FOCAD: variants seen among roughly 807,000 people sequenced by gnomAD.
FOCAD encodes focadhesin.
Under a neutral mutation model 225.6 loss-of-function variants are expected in FOCAD, and 198 were observed. The observed-to-expected ratio is 0.88, with a 90% CI of 0.78 to 0.99. The LOEUF is 0.99. Ranked by LOEUF, FOCAD falls within the 50% of genes least tolerant of loss-of-function variation. FOCAD has a pLI of 0.00. For synonymous variants in FOCAD, 897 were observed against 755.0 expected (o/e 1.19, Z -3.08); for missense variants, 2,713 against 2,123.6 (o/e 1.28, Z -5.46).
chr9:20,817,740 A>G (rs1325269421), intron 11 of FOCAD, among the ~76,000 whole-genome samples: 1 of 152,064 alleles, frequency 6.6e-6, no homozygotes, highest in Non-Finnish European at 1.5e-5. Context: ...TTTATGGCTG[A>G]ATAATATCCC....
intron 15 of FOCAD, among the ~76,000 whole-genome samples, chr9:20,849,349 A>G (rs1398036032): frequency 2.7e-5 from 4 of 148,602 alleles, no homozygotes; most frequent in East Asian, 2.0e-4. Flanking sequence ...CTTTCCCCCA[A>G]CAGTTACTGT....
At chr9:20,849,451 A>G (rs1026706100) in intron 15 of FOCAD, among the ~76,000 whole-genome samples, 1 of 151,686 alleles carries the variant, frequency 6.6e-6, no homozygotes, top group African/African-American at 2.4e-5. Context: ...TAATATAGTC[A>G]GTCAACCTTA....
chr9:20,990,453 G>A, intron 42 of FOCAD, 79 bp downstream of exon 42: 1 of 1,514,648 alleles, frequency 6.6e-7, no homozygotes, highest in Non-Finnish European at 9.0e-7. Flanking sequence ...ATTGAGGTGG[G>A]AGTTAAGTGC....
intron 19 of FOCAD, among the ~76,000 whole-genome samples, chr9:20,879,455 T>A (rs918567353): frequency 5.3e-5 from 8 of 152,192 alleles, no homozygotes; most frequent in African/African-American, 1.9e-4. Flanking sequence ...TTGGGATTAT[T>A]ATTAGCACTA....
chr9:20,826,478 T>G (rs977280217), intron 15 of FOCAD, among the ~76,000 whole-genome samples: 1 of 152,062 alleles, frequency 6.6e-6, no homozygotes, highest in African/African-American at 2.4e-5. Context: ...TCCCTACTTT[T>G]GAGGTTTTGG....
chr9:20,866,127 G>A, intron 17 of FOCAD, 151 bp downstream of exon 17: 1 of 676,556 alleles, frequency 1.5e-6, no homozygotes, highest in Non-Finnish European at 2.4e-6. Context: ...CATAAGTTTT[G>A]GTTTTAAAAA....
intron 15 of FOCAD, among the ~76,000 whole-genome samples, chr9:20,845,278 A>G (rs1157658805): frequency 1.3e-5 from 2 of 151,998 alleles, no homozygotes; most frequent in Admixed American, 6.6e-5. Flanking sequence ...CCCATATGTC[A>G]CTATCCAGAT....
At chr9:20,766,286 C>T (rs1276824837) in intron 7 of FOCAD, among the ~76,000 whole-genome samples, 1 of 152,122 alleles carries the variant, frequency 6.6e-6, no homozygotes. Flanking sequence ...TTTGGAAGTA[C>T]TGGAACTAGT....
chr9:20,814,494 T>C lies in FOCAD; in HGVS notation c.1456-5302T>C, dbSNP rs145876794. ...CCTCAGCCTCCCAAGTAGCTGGGAT[T>C]ACATATATGTGCCACCAATGCCCAG... On this transcript the variant is annotated intron_variant, in intron 11 of 43. Transcript: ENST00000338382. 2.6e-3 allele frequency among the ~76,000 whole-genome samples: 402 copies of C among 152,212 alleles called. 3 individuals carry two copies. The highest frequency in any genetic ancestry group is 7.1e-3 in the African/African-American group (295 of 41,538).
chr9:20,841,302 TTTTAGTTCTTCTATAAATG>T (rs1312003261), intron 15 of FOCAD, among the ~76,000 whole-genome samples: 3 of 151,940 alleles, frequency 2.0e-5, no homozygotes, highest in Non-Finnish European at 2.9e-5. Flanking sequence ...GTAGGATTGA[TTTTAGTTCTTCTATAAATG>T]TTTAGTTCTT....
chr9:20,815,742 C>G (rs868124125), intron 11 of FOCAD, among the ~76,000 whole-genome samples: 1 of 152,062 alleles, frequency 6.6e-6, no homozygotes, highest in Non-Finnish European at 1.5e-5. Flanking sequence ...AGGACACTTA[C>G]CAGCTTCTTT....
chr9:20,819,453 A>G (rs62560484), intron 11 of FOCAD, among the ~76,000 whole-genome samples: 38,617 of 151,986 alleles, frequency 0.25, 5,167 homozygotes, highest in Middle Eastern at 0.33. Flanking sequence ...GACTGAAGCA[A>G]TCCTCCTGCC....
chr9:20,794,220 G>C (rs1820830262), intron 11 of FOCAD, among the ~76,000 whole-genome samples: 1 of 152,162 alleles, frequency 6.6e-6, no homozygotes, highest in Non-Finnish European at 1.5e-5. Flanking sequence ...TAGAGAGCAG[G>C]AGGTAATGTC....
chr9:20,865,507 A>G (rs951283857), intron 16 of FOCAD, among the ~76,000 whole-genome samples: 3 of 152,054 alleles, frequency 2.0e-5, no homozygotes, highest in Non-Finnish European at 4.4e-5. Flanking sequence ...AAAAAAACGC[A>G]GTCACTGCCT....
At chr9:20,904,485 C>T (rs923752475) in intron 21 of FOCAD, among the ~76,000 whole-genome samples, 1 of 151,994 alleles carries the variant, frequency 6.6e-6, no homozygotes, top group Non-Finnish European at 1.5e-5. Flanking sequence ...AACCTTCTCG[C>T]ATCCCTGCCC....
At chr9:20,897,309 A>G (rs372507078) in intron 21 of FOCAD, among the ~76,000 whole-genome samples, 4 of 151,782 alleles carry the variant, frequency 2.6e-5, no homozygotes, top group East Asian at 3.9e-4. Flanking sequence ...TCTTGTAGAC[A>G]ACATGTAGTT....
At chr9:20,855,878 A>T (rs1192612465) in intron 15 of FOCAD, among the ~76,000 whole-genome samples, 3 of 150,670 alleles carry the variant, frequency 2.0e-5, no homozygotes, top group African/African-American at 7.3e-5. Flanking sequence ...CACTTACCAT[A>T]ATGTCCTCCA....
chr9:20,985,399 A>G (rs1841067230), intron 39 of FOCAD, among the ~76,000 whole-genome samples: 1 of 152,244 alleles, frequency 6.6e-6, no homozygotes, highest in Non-Finnish European at 1.5e-5. Context: ...AGCAGAAACA[A>G]ATTTTCCAAA....
intron 1 of FOCAD, among the ~76,000 whole-genome samples, chr9:20,711,578 A>G (rs549421090): frequency 3.9e-5 from 6 of 152,302 alleles, no homozygotes; most frequent in African/African-American, 1.2e-4. Flanking sequence ...ATGAAGAGGA[A>G]TAGTAACCTC....
Sources: allele counts gnomAD v4.1 joint callset (sites outside exome capture counted in the v4.1 genomes callset), GRCh38; gene constraint gnomAD v4.1.1; transcripts MANE v1.5; gene names NCBI Gene and HGNC (gene_info 2026-07-23, HGNC 2026-07-21).